DNAH11: variants seen among roughly 807,000 people sequenced by gnomAD.
The protein encoded by DNAH11 is axonemal beta dynein heavy chain 11.
In DNAH11, 442 loss-of-function variants were observed where a neutral mutation model predicts 526.0. The ratio of observed to expected loss-of-function variants is 0.84; its 90% CI spans 0.78 to 0.91. The LOEUF (loss-of-function observed/expected upper bound fraction) is 0.91, where lower values mean the gene tolerates loss of function less well. Among genes scored for constraint, DNAH11 ranks in the 40% least tolerant of loss-of-function variants. DNAH11 has a pLI of 0.00. For synonymous variants in DNAH11, 2,461 were observed against 1,935.9 expected (o/e 1.27, Z -7.12); for missense variants, 6,989 against 5,448.7 (o/e 1.28, Z -8.90).
chr7:21,716,567 C>T (rs928332831), intron 42 of DNAH11, among the ~76,000 whole-genome samples: 9 of 152,146 alleles, frequency 5.9e-5, no homozygotes, highest in African/African-American at 2.2e-4. Context: ...CTGAGCAATC[C>T]TCTTTCACCT....
rs1784785363 is a variant in DNAH11 at position 21,719,276 on chromosome 7, A to C, written c.7134+1351A>C. Among the ~76,000 whole-genome samples, 3 of 152,342 alleles carry C rather than the reference A, an allele frequency of 2.0e-5. No individual in the cohort carries two copies. The South Asian group carries it at 6.2e-4, about 32-fold the overall frequency. ...CAAAAATGGGTATAAGAAGATAGTG[A>C]CCTGAAATGGCTATCTTGAGAAATT... On this transcript the variant is annotated intron_variant, in intron 43 of 81. Coordinates refer to ENST00000409508, the MANE Select transcript of DNAH11 (RefSeq NM_001277115.2).
rs938181972 is a variant in DNAH11 at position 21,543,188 on chromosome 7, G to A, written c.-58G>A. The A allele has an allele frequency of 2.9e-5, 42 of 1,456,514 alleles. No individual in the cohort carries two copies. Among genetic ancestry groups the A allele is most frequent in the Non-Finnish European group, 3.2e-5 (36 of 1,110,710 alleles). The allele number at this position is 1,456,514 out of a possible 1,614,324, so 90.2% of individuals were successfully genotyped here. On this transcript the variant is annotated 5_prime_UTR_variant, in exon 1 of 82. Transcript: ENST00000409508. ...GGAGGTGTCCTCGCTCACTTCGGGG[G>A]GCCCAGAGTCTCGGGTGAGGAGCCA...
chr7:21,635,208 G>A (rs1786802220), intron 25 of DNAH11, among the ~76,000 whole-genome samples: 1 of 152,100 alleles, frequency 6.6e-6, no homozygotes, highest in African/African-American at 2.4e-5. Context: ...CAGGCTTGGA[G>A]TGCAGTGGCG....
At chr7:21,879,527 A>G (rs10261104) in intron 74 of DNAH11, among the ~76,000 whole-genome samples, 11,933 of 152,218 alleles carry the variant, frequency 0.078, 530 homozygotes, top group Middle Eastern at 0.11. Context: ...TCACCCAGTC[A>G]TCCCAACAAT....
Position 21,757,902 on chromosome 7 carries a change from G to C in DNAH11, c.8941-7526G>C, listed in dbSNP as rs79746721. Among the ~76,000 whole-genome samples the C allele has an allele frequency of 3.1e-4, 47 of 152,348 alleles. No individual in the cohort carries two copies. The East Asian group carries it at 7.3e-3, about 24-fold the overall frequency. On this transcript the variant is annotated intron_variant, in intron 54 of 81. Transcript: ENST00000409508. ...AAAAGCTCAACTACTCACCTGGCCA[G>C]TGGAAAATCAGATATCGCAGAACCT... is the stretch of plus-strand genomic sequence containing the variant.
chr7:21,778,868 A>G lies in DNAH11; in HGVS notation c.9337-90A>G, dbSNP rs4273751. ...ACAGATGCAAGATACAAATTGTTAG[A>G]GATCCCTGAATTCATTCCCAGCAAT... On this transcript the variant is annotated intron_variant, in intron 56 of 81. Transcript: ENST00000409508. 0.76 allele frequency: 1,105,572 copies of G among 1,446,334 alleles called. 424,391 individuals carry two copies. Among genetic ancestry groups the G allele is most frequent in the East Asian group, 0.85 (35,768 of 42,194 alleles). 89.6% of individuals were successfully genotyped at this position (1,446,334 alleles called of 1,614,324 possible).
intron 77 of DNAH11, 52 bp from the exon 78 acceptor site, chr7:21,894,571 A>C: frequency 1.3e-6 from 2 of 1,575,976 alleles, no homozygotes; most frequent in Middle Eastern, 1.9e-4. Flanking sequence ...CACAGTCACC[A>C]TGACGAAAAC....
intron 28 of DNAH11, among the ~76,000 whole-genome samples, chr7:21,645,906 G>C (rs908474450): frequency 6.6e-6 from 1 of 152,016 alleles, no homozygotes; most frequent in Non-Finnish European, 1.5e-5. Context: ...TCTTAAATTG[G>C]ACACTGAAGT....
chr7:21,544,680 AACATTTCT>A (rs1782740386), intron 1 of DNAH11, among the ~76,000 whole-genome samples: 1 of 120,194 alleles, frequency 8.3e-6, no homozygotes. Flanking sequence ...TTAGGATTGA[AACATTTCT>A]ACATGCCTAC....
At position 21,766,154 on chromosome 7, in the gene DNAH11, G is replaced by T. The variant is rs1787177195; in HGVS notation, c.9102+565G>T. ...TGGGTTATATTTGTCATTTCTTCAT[G>T]ATGACAAATTTAAAATTTAAAATCA... is the stretch of plus-strand genomic sequence containing the variant. On this transcript the variant is annotated intron_variant, in intron 55 of 81. Coordinates refer to ENST00000409508, the MANE Select transcript of DNAH11 (RefSeq NM_001277115.2). Among the ~76,000 whole-genome samples the T allele has an allele frequency of 2.6e-5, 4 of 152,004 alleles. No homozygotes were observed. The South Asian group carries it at 8.3e-4, about 32-fold the overall frequency.
chr7:21,818,088 A>T, intron 64 of DNAH11, 129 bp from the exon 65 acceptor site: 1 of 859,384 alleles, frequency 1.2e-6, no homozygotes, highest in South Asian at 1.9e-5. Flanking sequence ...CTACTACTTT[A>T]TAAAATAGTT....
At chr7:21,552,974 G>A (rs572585784) in intron 2 of DNAH11, among the ~76,000 whole-genome samples, 61 of 151,800 alleles carry the variant, frequency 4.0e-4, no homozygotes, top group African/African-American at 1.4e-3. Flanking sequence ...GAGAATTGGA[G>A]TGTTGTACGG....
Position 21,619,197 on chromosome 7 carries a change from C to A in DNAH11, c.4352C>A (p.Ala1451Glu). ...GATGTCCGAAGGATTGTGGACAAGG[C>A]GGTGAAAGAGCTGGGGACTGAGAAG... ...EDDVRRIVDK[A>E]VKELGTEKVI... The change falls in exon 24 of 82, where the codon GCG (alanine) becomes GAG (glutamate). Residue 1451 changes from alanine to glutamate, a missense_variant. Coordinates refer to ENST00000409508, the MANE Select transcript of DNAH11 (RefSeq NM_001277115.2). 2 of 1,613,134 alleles carry A rather than the reference C, an allele frequency of 1.2e-6. No homozygotes were observed. The highest frequency in any genetic ancestry group is 1.7e-6 in the Non-Finnish European group (2 of 1,179,492).
intron 2 of DNAH11, among the ~76,000 whole-genome samples, chr7:21,557,773 T>G (rs1783277980): frequency 6.6e-6 from 1 of 152,156 alleles, no homozygotes; most frequent in South Asian, 2.1e-4. Flanking sequence ...GAGGCAGATA[T>G]TTCTCCCGTG....
intron 8 of DNAH11, among the ~76,000 whole-genome samples, chr7:21,580,536 C>G (rs1378312456): frequency 1.3e-5 from 2 of 152,164 alleles, no homozygotes; most frequent in African/African-American, 4.8e-5. Context: ...AGCTTATAAA[C>G]AACAGAAATT....
chr7:21,672,355 A>G (rs1782673017), intron 30 of DNAH11, among the ~76,000 whole-genome samples: 1 of 152,218 alleles, frequency 6.6e-6, no homozygotes, highest in Admixed American at 6.5e-5. Flanking sequence ...ACGTGATCAT[A>G]GCTCACTGCA....
At chr7:21,684,033 C>A in intron 32 of DNAH11, 89 bp downstream of exon 32, 1 of 1,339,332 alleles carries the variant, frequency 7.5e-7, no homozygotes. Flanking sequence ...TGAGAGGAAA[C>A]GATGAACAAT....
At chr7:21,606,347 A>G (rs1785281079) in intron 18 of DNAH11, 79 bp from the exon 19 acceptor site, 2 of 1,177,144 alleles carry the variant, frequency 1.7e-6, no homozygotes, top group East Asian at 5.1e-5. Context: ...AAAGAAAGAA[A>G]TTAGAGTCAT....
chr7:21,823,281 C>T (rs192684890), intron 65 of DNAH11, among the ~76,000 whole-genome samples: 3 of 152,212 alleles, frequency 2.0e-5, no homozygotes, highest in African/African-American at 4.8e-5. Flanking sequence ...CTTCCCCCCT[C>T]GGTTTTTTCC....
Sources: allele counts gnomAD v4.1 joint callset (sites outside exome capture counted in the v4.1 genomes callset), GRCh38; gene constraint gnomAD v4.1.1; transcripts MANE v1.5; gene names NCBI Gene and HGNC (gene_info 2026-07-23, HGNC 2026-07-21).